Variants in OTUD7B observed in about 807,000 individuals in gnomAD.
OTUD7B encodes the protein OTU domain-containing protein 7B.
A neutral mutation model predicts 82.2 loss-of-function variants in OTUD7B; 34 were observed. The ratio of observed to expected loss-of-function variants is 0.41; its 90% CI spans 0.31 to 0.55. The LOEUF is 0.55. Ranked by LOEUF, OTUD7B falls within the 20% of genes least tolerant of loss-of-function variation. The probability of loss-of-function intolerance (pLI) is 0.20; values close to 1 mark genes in which losing one functional copy is unlikely to be tolerated. For missense variants in OTUD7B, 944 were observed against 1,062.1 expected, an observed-to-expected ratio of 0.89 and a Z score of 1.55; for synonymous variants, 398 against 402.7, an observed-to-expected ratio of 0.99 and a Z score of 0.14.
At chr1:149,982,870 G>A (rs111281636) in intron 1 of OTUD7B, among the ~76,000 whole-genome samples, 6,296 of 102,434 alleles carry the variant, frequency 0.061, 197 homozygotes, top group Non-Finnish European at 0.085. Context: ...TTTTTAAGAC[G>A]GAGTCTCGCT....
At chr1:150,017,154 A>G in the OTUD7B span, among the ~76,000 whole-genome samples, 1 of 152,218 alleles carries the variant, frequency 6.6e-6, no homozygotes, top group African/African-American at 2.4e-5. Flanking sequence ...GAGTTTAGTG[A>G]CACCATCTTA....
chr1:150,003,011 G>A (rs1652398879), intron 1 of OTUD7B, among the ~76,000 whole-genome samples: 1 of 152,262 alleles, frequency 6.6e-6, no homozygotes, highest in African/African-American at 2.4e-5. Flanking sequence ...AGCACTTTGG[G>A]AGGCCGAGGC....
the OTUD7B span, among the ~76,000 whole-genome samples, chr1:150,064,203 T>C: frequency 1.3e-5 from 2 of 152,236 alleles, no homozygotes; most frequent in Non-Finnish European, 2.9e-5. Context: ...TTTTTGCACA[T>C]TATTTCATTT....
the OTUD7B span, among the ~76,000 whole-genome samples, chr1:150,057,576 T>C: frequency 1.3e-5 from 2 of 152,180 alleles, no homozygotes; most frequent in African/African-American, 2.4e-5. Context: ...TGTAAGGAGA[T>C]TGGATGATGA....
At chr1:150,051,065 C>A in the OTUD7B span, among the ~76,000 whole-genome samples, 1 of 151,620 alleles carries the variant, frequency 6.6e-6, no homozygotes, top group Admixed American at 6.6e-5. Context: ...CCTGTCTCTA[C>A]TAAAAATACA....
At chr1:149,972,017 T>C (rs933244229) in intron 2 of OTUD7B, among the ~76,000 whole-genome samples, 1 of 152,218 alleles carries the variant, frequency 6.6e-6, no homozygotes, top group African/African-American at 2.4e-5. Context: ...TAAAGCACAG[T>C]TGTGATCATT....
chr1:149,986,451 T>C (rs1222624625), intron 1 of OTUD7B, among the ~76,000 whole-genome samples: 1 of 152,228 alleles, frequency 6.6e-6, no homozygotes, highest in Non-Finnish European at 1.5e-5. Flanking sequence ...TCCAACTTAC[T>C]TAATAACAGA....
chr1:149,970,460 A>T (rs1649838567), intron 3 of OTUD7B, among the ~76,000 whole-genome samples: 1 of 151,970 alleles, frequency 6.6e-6, no homozygotes, highest in African/African-American at 2.4e-5. Context: ...CTGGGATTAT[A>T]GGCATGTACC....
the OTUD7B span, among the ~76,000 whole-genome samples, chr1:150,031,735 ACCTGTCTATGTCTCAG>A: frequency 3.9e-5 from 6 of 152,308 alleles, no homozygotes; most frequent in East Asian, 1.2e-3. Context: ...AAGTGACTTA[ACCTGTCTATGTCTCAG>A]CTTTATCATC....
intron 2 of OTUD7B, among the ~76,000 whole-genome samples, chr1:149,971,593 C>G (rs1649943256): frequency 6.6e-6 from 1 of 152,100 alleles, no homozygotes; most frequent in Non-Finnish European, 1.5e-5. Flanking sequence ...ACAGCTAGTT[C>G]ACACCAGACC....
At chr1:150,026,360 T>C in the OTUD7B span, among the ~76,000 whole-genome samples, 30 of 152,328 alleles carry the variant, frequency 2.0e-4, no homozygotes, top group African/African-American at 6.3e-4. Flanking sequence ...TCATAGACCA[T>C]GCAATGAATA....
intron 7 of OTUD7B, among the ~76,000 whole-genome samples, chr1:149,956,367 C>T (rs1296512262): frequency 6.6e-5 from 10 of 152,304 alleles, no homozygotes; most frequent in Non-Finnish European, 1.3e-4. Flanking sequence ...TTGGCCCCCA[C>T]GCTCTTCTGG....
At chr1:150,032,465 GAAAAAAA>G in the OTUD7B span, among the ~76,000 whole-genome samples, 848 of 85,740 alleles carry the variant, frequency 9.9e-3, 26 homozygotes, top group East Asian at 0.16. Context: ...CCTGTCTACA[GAAAAAAA>G]AAAAAAAAAA....
chr1:149,953,753 A>T (rs1240258857), intron 7 of OTUD7B, among the ~76,000 whole-genome samples: 1 of 152,154 alleles, frequency 6.6e-6, no homozygotes, highest in Non-Finnish European at 1.5e-5. Flanking sequence ...CTCCTTGAAG[A>T]GGTCCTTCAC....
the OTUD7B span, among the ~76,000 whole-genome samples, chr1:150,062,099 G>A: frequency 2.0e-5 from 3 of 152,150 alleles, no homozygotes; most frequent in African/African-American, 7.2e-5. Flanking sequence ...TTCAGCATTT[G>A]GGGGCCACTT....
At chr1:150,053,662 C>T in the OTUD7B span, among the ~76,000 whole-genome samples, 1 of 152,112 alleles carries the variant, frequency 6.6e-6, no homozygotes, top group Non-Finnish European at 1.5e-5. Context: ...TCCCAAAGTG[C>T]TTGGATTACA....
rs191174170 is a variant in OTUD7B at position 150,010,567 on chromosome 1, G to A, written c.-186C>T. On this transcript the variant is annotated 5_prime_UTR_variant, in exon 1 of 12. Coordinates refer to ENST00000581312, the MANE Select transcript of OTUD7B (RefSeq NM_020205.4). ...CGGCCCCTCCCCCGACGGCGATGGA[G>A]GTGGAGGCGGTGGTGGAGACTGCGA... 3.0e-3 allele frequency: 465 copies of A among 153,648 alleles called. 6 individuals are homozygous for A. The highest frequency in any genetic ancestry group is 1.7e-3 in the Non-Finnish European group (119 of 68,846). 9.5% of individuals were successfully genotyped at this position (153,648 alleles called of 1,614,324 possible). A position where few individuals can be genotyped will look rare whatever the true frequency, so the allele number is the denominator to read the frequency against.
chr1:150,066,119 ATCT>A, the OTUD7B span, among the ~76,000 whole-genome samples: 1 of 152,220 alleles, frequency 6.6e-6, no homozygotes, highest in Non-Finnish European at 1.5e-5. The surrounding 1 kb of genome is among the most constrained non-coding windows in gnomAD (Gnocchi z 4.6). Context: ...ATGGGGAAAA[ATCT>A]TCTATACTGC....
chr1:150,017,435 G>C, the OTUD7B span, among the ~76,000 whole-genome samples: 1 of 152,228 alleles, frequency 6.6e-6, no homozygotes, highest in African/African-American at 2.4e-5. Context: ...TACAGGCCTA[G>C]CAACAAGTAG....
Sources: allele counts gnomAD v4.1 joint callset (sites outside exome capture counted in the v4.1 genomes callset), GRCh38; gene constraint gnomAD v4.1.1; non-coding constraint Gnocchi (gnomAD v3.1); transcripts MANE v1.5; gene names NCBI Gene and HGNC (gene_info 2026-07-23, HGNC 2026-07-21).